The following FHIT variants were observed in gnomAD, a reference collection of about 807,000 sequenced individuals.
The protein encoded by FHIT is bis(5'-adenosyl)-triphosphatase.
Under a neutral mutation model 17.9 loss-of-function variants are expected in FHIT, and 19 were observed. The ratio of observed to expected loss-of-function variants is 1.06; its 90% CI spans 0.74 to 1.56. The LOEUF (loss-of-function observed/expected upper bound fraction) is 1.56, where lower values mean the gene tolerates loss of function less well. Ranked by LOEUF, FHIT falls within the 40% of genes most tolerant of loss-of-function variation. The probability of loss-of-function intolerance (pLI) is 0.00; values close to 1 mark genes in which losing one functional copy is unlikely to be tolerated. For synonymous variants in FHIT, 81 were observed against 69.7 expected (o/e 1.16, Z -0.81); for missense variants, 248 against 189.2 (o/e 1.31, Z -1.82).
chr3:60,189,063 T>G (rs1702283701), intron 5 of FHIT, among the ~76,000 whole-genome samples: 1 of 152,056 alleles, frequency 6.6e-6, no homozygotes, highest in South Asian at 2.1e-4. Context: ...ACCTAGCTTT[T>G]GAAAGCAAGC....
intron 4 of FHIT, among the ~76,000 whole-genome samples, chr3:60,709,717 T>A (rs545864958): frequency 1.3e-5 from 2 of 152,304 alleles, no homozygotes; most frequent in African/African-American, 4.8e-5. Context: ...TTAGAAAAAG[T>A]CTTTAAGTAT....
rs147152967 is a variant in FHIT at position 60,202,944 on chromosome 3, T to A, written c.104-188792A>T. On this transcript the variant is annotated intron_variant, in intron 5 of 9. Coordinates refer to ENST00000492590, the MANE Select transcript of FHIT (RefSeq NM_002012.4). ...TGACCTCAGCTTTATCTACTTTTAT[T>A]TATGAGTGTGGAGCTTAGGATTTCA... Among the ~76,000 whole-genome samples, 364 of 152,196 alleles carry A rather than the reference T, an allele frequency of 2.4e-3. 1 individual carries two copies. Among genetic ancestry groups the A allele is most frequent in the African/African-American group, 8.4e-3 (349 of 41,514 alleles).
intron 5 of FHIT, among the ~76,000 whole-genome samples, chr3:60,473,070 T>G (rs550675388): frequency 1.3e-5 from 2 of 152,264 alleles, no homozygotes; most frequent in East Asian, 3.9e-4. Context: ...AAAAAAAGTT[T>G]GAAAAAGGAA....
chr3:61,015,713 T>G (rs1218206907), intron 3 of FHIT, among the ~76,000 whole-genome samples: 1 of 152,210 alleles, frequency 6.6e-6, no homozygotes, highest in African/African-American at 2.4e-5. Flanking sequence ...TCTCTCTCTC[T>G]CTTTCCCTTC....
At chr3:60,471,433 C>T (rs927744049) in intron 5 of FHIT, among the ~76,000 whole-genome samples, 2 of 152,150 alleles carry the variant, frequency 1.3e-5, no homozygotes, top group East Asian at 3.9e-4. Flanking sequence ...TCTAAATGCT[C>T]CCTCCTTGGG....
At chr3:60,444,338 T>C (rs2107344350) in intron 5 of FHIT, among the ~76,000 whole-genome samples, 1 of 152,292 alleles carries the variant, frequency 6.6e-6, no homozygotes, top group East Asian at 1.9e-4. Flanking sequence ...GCCATCCCAT[T>C]ACTGGGTATA....
At chr3:60,303,896 A>T (rs1425556476) in intron 5 of FHIT, among the ~76,000 whole-genome samples, 1 of 152,142 alleles carries the variant, frequency 6.6e-6, no homozygotes, top group African/African-American at 2.4e-5. Context: ...CACTTAGAGG[A>T]TTACAGATTA....
chr3:61,235,444 G>T (rs888835642), intron 1 of FHIT, among the ~76,000 whole-genome samples: 2 of 152,058 alleles, frequency 1.3e-5, no homozygotes, highest in Non-Finnish European at 2.9e-5. Context: ...AAAAAGTAAG[G>T]TCTCTTTTAA....
intron 4 of FHIT, among the ~76,000 whole-genome samples, chr3:60,586,204 T>C (rs549094240): frequency 1.3e-5 from 2 of 152,066 alleles, no homozygotes; most frequent in East Asian, 3.9e-4. Context: ...TTCTTTTACA[T>C]CTATTTCCAG....
At chr3:60,104,503 A>G (rs1162314284) in intron 5 of FHIT, among the ~76,000 whole-genome samples, 2 of 151,184 alleles carry the variant, frequency 1.3e-5, no homozygotes, top group African/African-American at 2.4e-5. Flanking sequence ...TTTTACAACA[A>G]TCAGTGGGCT....
At chr3:60,792,741 G>T (rs1164664053) in intron 4 of FHIT, among the ~76,000 whole-genome samples, 1 of 152,094 alleles carries the variant, frequency 6.6e-6, no homozygotes, top group Non-Finnish European at 1.5e-5. Context: ...CAGCTACTGA[G>T]GAATCACAAT....
At chr3:60,962,470 G>A (rs943321542) in intron 3 of FHIT, among the ~76,000 whole-genome samples, 2 of 152,130 alleles carry the variant, frequency 1.3e-5, no homozygotes, top group Non-Finnish European at 2.9e-5. Context: ...ACACTATGTT[G>A]AATAGGAGTG....
intron 5 of FHIT, among the ~76,000 whole-genome samples, chr3:60,255,774 G>T (rs1182392448): frequency 6.6e-6 from 1 of 152,110 alleles, no homozygotes; most frequent in South Asian, 2.1e-4. Context: ...TGGTGTTCAT[G>T]GACCTGGGAG....
At chr3:60,652,226 T>G (rs1464122646) in intron 4 of FHIT, among the ~76,000 whole-genome samples, 1 of 152,192 alleles carries the variant, frequency 6.6e-6, no homozygotes, top group Non-Finnish European at 1.5e-5. Context: ...TGGCTCTCCA[T>G]GTGGACTAGC....
At chr3:60,200,061 T>A (rs2107490685) in intron 5 of FHIT, among the ~76,000 whole-genome samples, 1 of 152,172 alleles carries the variant, frequency 6.6e-6, no homozygotes, top group African/African-American at 2.4e-5. Flanking sequence ...ATCAAGAAAG[T>A]GAGTGACCTA....
intron 8 of FHIT, among the ~76,000 whole-genome samples, chr3:59,883,063 G>A (rs778181967): frequency 1.3e-5 from 2 of 152,120 alleles, no homozygotes; most frequent in African/African-American, 2.4e-5. Flanking sequence ...TATAAGCAGT[G>A]ATGTGTGAGA....
At chr3:59,764,773 T>G (rs149245931) in intron 8 of FHIT, among the ~76,000 whole-genome samples, 1 of 152,234 alleles carries the variant, frequency 6.6e-6, no homozygotes, top group African/African-American at 2.4e-5. Context: ...GAGATTTCCT[T>G]GTTATGAGTT....
intron 5 of FHIT, among the ~76,000 whole-genome samples, chr3:60,431,109 G>A (rs1393064594): frequency 6.6e-6 from 1 of 151,876 alleles, no homozygotes; most frequent in Admixed American, 6.6e-5. Context: ...CTACTTGGGA[G>A]CTGAGACAGA....
intron 5 of FHIT, among the ~76,000 whole-genome samples, chr3:60,077,695 CACA>C (rs1703080389): frequency 3.0e-5 from 3 of 98,810 alleles, no homozygotes; most frequent in African/African-American, 1.5e-4. Flanking sequence ...TTCACACACA[CACA>C]CACACACACA....
Sources: gnomAD v4.1 joint callset for allele counts (sites outside exome capture counted in the v4.1 genomes callset) on GRCh38, gnomAD v4.1.1 for gene constraint, MANE v1.5 for transcripts, NCBI Gene and HGNC (gene_info 2026-07-23, HGNC 2026-07-21) for gene names.